Variants in XYLB observed in about 807,000 individuals in gnomAD.
The protein encoded by XYLB is xylulokinase.
Under a neutral mutation model 78.7 loss-of-function variants are expected in XYLB, and 62 were observed. That is an observed-to-expected ratio of 0.79 (90% CI 0.64 to 0.97). The LOEUF is 0.97. Among genes scored for constraint, XYLB ranks in the 50% least tolerant of loss-of-function variants. XYLB has a pLI of 0.00. For synonymous variants in XYLB, 245 were observed against 247.4 expected (o/e 0.99, Z 0.09); for missense variants, 687 against 676.8 (o/e 1.02, Z -0.17).
the XYLB span, among the ~76,000 whole-genome samples, chr3:38,431,341 GCTCT>G: frequency 2.6e-5 from 4 of 152,032 alleles, no homozygotes; most frequent in Non-Finnish European, 5.9e-5. Flanking sequence ...TCATGATTTG[GCTCT>G]CTGTTTGTCT....
At chr3:38,382,018 T>A (rs1398589136) in intron 15 of XYLB, among the ~76,000 whole-genome samples, 1 of 152,162 alleles carries the variant, frequency 6.6e-6, no homozygotes, top group African/African-American at 2.4e-5. Flanking sequence ...GCATCACGGA[T>A]CCTACCAACG....
the XYLB span, among the ~76,000 whole-genome samples, chr3:38,444,568 G>C: frequency 2.0e-5 from 3 of 152,236 alleles, no homozygotes; most frequent in South Asian, 2.1e-4. Flanking sequence ...CAAGCTGCAG[G>C]ATAGTATTGT....
At chr3:38,400,531 G>A (rs1017414662) in intron 17 of XYLB, among the ~76,000 whole-genome samples, 2 of 152,100 alleles carry the variant, frequency 1.3e-5, no homozygotes, top group Non-Finnish European at 1.5e-5. Context: ...TGTGGTGAAC[G>A]AGGGGAGAGA....
intron 2 of XYLB, among the ~76,000 whole-genome samples, chr3:38,354,504 A>AT (rs547784678): frequency 0.079 from 11,027 of 138,796 alleles, 443 homozygotes; most frequent in Non-Finnish European, 0.092. Flanking sequence ...CAAATTGTTA[A>AT]TTTTTTTTTT....
intron 15 of XYLB, among the ~76,000 whole-genome samples, chr3:38,394,508 T>G (rs534148488): frequency 6.6e-6 from 1 of 152,364 alleles, no homozygotes; most frequent in African/African-American, 2.4e-5. Flanking sequence ...ACTTATATAT[T>G]TTAGTTGTTT....
Position 38,413,180 on chromosome 3 carries a change from G to A in XYLB, c.*167G>A, listed in dbSNP as rs1248617144. On this transcript the variant is annotated 3_prime_UTR_variant, in exon 19 of 19. Transcript: ENST00000207870. ...AAAGCCGCCCTCAGCACATCTGCAT[G>A]AAGATAGATAGGCACTCCTGTCCCT... 3 of 555,918 alleles carry A rather than the reference G, an allele frequency of 5.4e-6. No individual in the cohort carries two copies. The highest frequency in any genetic ancestry group is 2.0e-5 in the African/African-American group (1 of 50,234). The allele number at this position is 555,918 out of a possible 1,614,324, so 34.4% of individuals were successfully genotyped here. A position where few individuals can be genotyped will look rare whatever the true frequency, so the allele number is the denominator to read the frequency against.
chr3:38,419,519 A>G (rs1481314921), downstream of XYLB, among the ~76,000 whole-genome samples: 1 of 145,204 alleles, frequency 6.9e-6, no homozygotes. Context: ...TACATTCCCC[A>G]GCAGTAATGC....
the XYLB span, among the ~76,000 whole-genome samples, chr3:38,432,307 G>A: frequency 6.0e-4 from 92 of 152,328 alleles, no homozygotes; most frequent in Non-Finnish European, 1.1e-3. Context: ...AGTGGCTCAC[G>A]CCGGTAATCC....
At chr3:38,375,120 C>T (rs995003506) in intron 11 of XYLB, 24 bp from the exon 12 acceptor site, 14 of 1,600,342 alleles carry the variant, frequency 8.7e-6, no homozygotes, top group Non-Finnish European at 3.4e-6. Context: ...CCCAAGGTGC[C>T]CACCTCTGCC....
chr3:38,443,510 C>G, the XYLB span, among the ~76,000 whole-genome samples: 3 of 152,216 alleles, frequency 2.0e-5, no homozygotes, highest in Admixed American at 6.5e-5. Context: ...TCTGTCCTCT[C>G]TGAACCACCA....
intron 2 of XYLB, among the ~76,000 whole-genome samples, chr3:38,354,691 C>A (rs1705550125): frequency 6.6e-6 from 1 of 151,492 alleles, no homozygotes; most frequent in South Asian, 2.1e-4. Context: ...TTAGTGGAGA[C>A]AGGGTTTCAC....
downstream of XYLB, among the ~76,000 whole-genome samples, chr3:38,415,797 AG>A (rs1298719096): frequency 6.6e-6 from 1 of 152,120 alleles, no homozygotes; most frequent in Non-Finnish European, 1.5e-5. Flanking sequence ...TAATAAAGAT[AG>A]TACCCAAGAC....
intron 10 of XYLB, 92 bp from the exon 11 acceptor site, chr3:38,374,369 TG>T: frequency 6.4e-7 from 1 of 1,574,702 alleles, no homozygotes; most frequent in Non-Finnish European, 8.7e-7. Context: ...GGGTTGGAGG[TG>T]GGGGCTCTGC....
chr3:38,430,914 A>T, the XYLB span, among the ~76,000 whole-genome samples: 1 of 152,112 alleles, frequency 6.6e-6, no homozygotes, highest in Non-Finnish European at 1.5e-5. Flanking sequence ...ATTGATCTAT[A>T]TATCTGTTTT....
chr3:38,437,857 G>A, the XYLB span, among the ~76,000 whole-genome samples: 2 of 152,138 alleles, frequency 1.3e-5, no homozygotes, highest in Non-Finnish European at 2.9e-5. Flanking sequence ...GGATCACGAG[G>A]TCAGGAGATA....
At chr3:38,412,178 A>G (rs942965696) in intron 18 of XYLB, among the ~76,000 whole-genome samples, 2 of 151,896 alleles carry the variant, frequency 1.3e-5, no homozygotes, top group African/African-American at 4.8e-5. Flanking sequence ...TTTAGTAGAG[A>G]CGGGGTTTCA....
At chr3:38,368,953 G>A (rs1378906031) in intron 8 of XYLB, among the ~76,000 whole-genome samples, 3 of 152,076 alleles carry the variant, frequency 2.0e-5, no homozygotes, top group Non-Finnish European at 4.4e-5. Context: ...TCAAAACCCC[G>A]AAAAAAATAA....
At chr3:38,363,626 T>C (rs1706093086) in intron 4 of XYLB, among the ~76,000 whole-genome samples, 1 of 152,242 alleles carries the variant, frequency 6.6e-6, no homozygotes, top group Non-Finnish European at 1.5e-5. Context: ...GTCATCTGGC[T>C]TTCTGGTGCC....
intron 15 of XYLB, among the ~76,000 whole-genome samples, chr3:38,386,593 G>T (rs1297356912): frequency 6.6e-6 from 1 of 151,468 alleles, no homozygotes; most frequent in East Asian, 1.9e-4. Context: ...GCAATGTCTA[G>T]TATTCCATTT....
Sources: gnomAD v4.1 joint callset for allele counts (sites outside exome capture counted in the v4.1 genomes callset) on GRCh38, gnomAD v4.1.1 for gene constraint, MANE v1.5 for transcripts, NCBI Gene and HGNC (gene_info 2026-07-23, HGNC 2026-07-21) for gene names.